IL1RAPL2: variants seen among roughly 807,000 people sequenced by gnomAD.
IL1RAPL2 encodes interleukin 1 receptor accessory protein like 2, also known as X-linked interleukin-1 receptor accessory protein-like 2.
A neutral mutation model predicts 44.1 loss-of-function variants in IL1RAPL2; 3 were observed. The ratio of observed to expected loss-of-function variants is 0.07; its 90% CI spans 0.03 to 0.18. IL1RAPL2 has a LOEUF of 0.18. Ranked by LOEUF, IL1RAPL2 falls within the 10% of genes least tolerant of loss-of-function variation. The probability of loss-of-function intolerance (pLI) is 1.00; values close to 1 mark genes in which losing one functional copy is unlikely to be tolerated. For synonymous variants in IL1RAPL2, 181 were observed against 178.8 expected (o/e 1.01, Z -0.10); for missense variants, 391 against 496.4 (o/e 0.79, Z 2.02).
chrX:105,710,991 C>T (rs2038205643), intron 6 of IL1RAPL2, among the ~76,000 whole-genome samples: 1 of 105,452 alleles, frequency 9.5e-6, no homozygotes, highest in Admixed American at 1.0e-4. Context: ...TGTATATATA[C>T]ATACACATAC....
At chrX:104,728,261 A>G (rs1931836478) in intron 2 of IL1RAPL2, among the ~76,000 whole-genome samples, 1 of 111,849 alleles carries the variant, frequency 8.9e-6, no homozygotes, top group Non-Finnish European at 1.9e-5. Context: ...TTTACTACTC[A>G]TAGACACTTG....
intron 2 of IL1RAPL2, among the ~76,000 whole-genome samples, chrX:104,905,814 A>G (rs1341026724): frequency 9.0e-6 from 1 of 111,090 alleles, no homozygotes; most frequent in East Asian, 2.8e-4. Context: ...TATGAACTTT[A>G]AAGTAGTTTT....
At chrX:105,182,363 T>C in intron 2 of IL1RAPL2, among the ~76,000 whole-genome samples, 1 of 111,832 alleles carries the variant, frequency 8.9e-6, no homozygotes, top group Non-Finnish European at 1.9e-5. Flanking sequence ...TTTACTGAAT[T>C]GATCCCTTTA....
At chrX:105,538,314 G>T (rs1192126908) in intron 6 of IL1RAPL2, among the ~76,000 whole-genome samples, 1 of 110,070 alleles carries the variant, frequency 9.1e-6, no homozygotes, top group East Asian at 2.8e-4. Flanking sequence ...GGGATTACAG[G>T]CATGAGCCAC....
intron 5 of IL1RAPL2, among the ~76,000 whole-genome samples, chrX:105,315,350 A>G (rs1253982136): frequency 9.4e-6 from 1 of 106,846 alleles, no homozygotes; most frequent in Non-Finnish European, 1.9e-5. Flanking sequence ...TTCAAATAAT[A>G]CTATTGGCAC....
chrX:104,661,170 T>C (rs1269810790), intron 2 of IL1RAPL2, among the ~76,000 whole-genome samples: 2 of 111,354 alleles, frequency 1.8e-5, no homozygotes, highest in Admixed American at 1.9e-4. Context: ...CCCAAAAAGA[T>C]ATTTCACTTA....
chrX:105,407,297 G>A (rs2035654026), intron 5 of IL1RAPL2, among the ~76,000 whole-genome samples: 1 of 110,802 alleles, frequency 9.0e-6, no homozygotes, highest in Non-Finnish European at 1.9e-5. Flanking sequence ...GCTGCCTTTT[G>A]AACGGGGTAG....
intron 2 of IL1RAPL2, among the ~76,000 whole-genome samples, chrX:105,009,656 G>T (rs763640899): frequency 1.9e-4 from 20 of 107,184 alleles, no homozygotes; most frequent in African/African-American, 6.8e-4. Context: ...GCTAAATGAC[G>T]AGTTAATGGG....
chrX:104,896,823 C>T (rs771644636), intron 2 of IL1RAPL2, among the ~76,000 whole-genome samples: 6 of 111,294 alleles, frequency 5.4e-5, no homozygotes, highest in South Asian at 7.7e-4. Context: ...ACACTCACTG[C>T]GAAGGTCTGC....
intron 2 of IL1RAPL2, among the ~76,000 whole-genome samples, chrX:104,889,720 C>G (rs1261908884): frequency 9.8e-5 from 11 of 111,716 alleles, no homozygotes. Context: ...CTTCATTATC[C>G]TACTACCACA....
intron 5 of IL1RAPL2, among the ~76,000 whole-genome samples, chrX:105,387,897 C>G (rs1649644525): frequency 1.9e-5 from 2 of 107,827 alleles, no homozygotes; most frequent in African/African-American, 6.7e-5. Context: ...ACCTGTAATC[C>G]CAGCACTTTG....
intron 2 of IL1RAPL2, among the ~76,000 whole-genome samples, chrX:105,169,701 T>G (rs763257367): frequency 9.3e-6 from 1 of 107,295 alleles, no homozygotes; most frequent in South Asian, 4.2e-4. Context: ...GCTAATTTTT[T>G]TTATTTTTAA....
chrX:104,965,649 A>G (rs1188818902), intron 2 of IL1RAPL2, among the ~76,000 whole-genome samples: 1 of 111,962 alleles, frequency 8.9e-6, no homozygotes, highest in African/African-American at 3.2e-5. Context: ...TCAGATACTG[A>G]AATTATCAAA....
intron 5 of IL1RAPL2, among the ~76,000 whole-genome samples, chrX:105,298,822 T>C (rs778288018): frequency 9.0e-6 from 1 of 111,164 alleles, no homozygotes; most frequent in East Asian, 2.9e-4. Flanking sequence ...CAAAAGAAGA[T>C]ACTGTTTTGA....
chrX:104,722,671 GTA>G (rs1237627733), intron 2 of IL1RAPL2, among the ~76,000 whole-genome samples: 2 of 111,573 alleles, frequency 1.8e-5, no homozygotes. Flanking sequence ...CTTTTCCATA[GTA>G]TATGTTTGGA....
chrX:105,016,387 C>G (rs1472318024), intron 2 of IL1RAPL2, among the ~76,000 whole-genome samples: 1 of 111,097 alleles, frequency 9.0e-6, no homozygotes, highest in Admixed American at 9.6e-5. Flanking sequence ...TCCTTGCCTT[C>G]TGCCAGTTTT....
At chrX:104,655,512 G>A (rs917071137) in intron 1 of IL1RAPL2, among the ~76,000 whole-genome samples, 14 of 111,923 alleles carry the variant, frequency 1.3e-4, no homozygotes, top group African/African-American at 3.9e-4. Context: ...TTGCATCCCA[G>A]GGATGAAGCC....
intron 2 of IL1RAPL2, among the ~76,000 whole-genome samples, chrX:105,117,994 A>C (rs2032879286): frequency 8.9e-6 from 1 of 112,348 alleles, no homozygotes; most frequent in Admixed American, 9.4e-5. Context: ...AACTAGGCAG[A>C]ATAAAGATAG....
At chrX:104,682,345 G>A (rs1236899402) in intron 2 of IL1RAPL2, among the ~76,000 whole-genome samples, 1 of 112,266 alleles carries the variant, frequency 8.9e-6, no homozygotes, top group Admixed American at 9.5e-5. Context: ...TAGACTATAT[G>A]GCTGGTGACT....
Sources: allele counts gnomAD v4.1 joint callset (sites outside exome capture counted in the v4.1 genomes callset), GRCh38; gene constraint gnomAD v4.1.1; transcripts MANE v1.5; gene names NCBI Gene and HGNC (gene_info 2026-07-23, HGNC 2026-07-21).